Variants in ADGRF5 observed in about 807,000 individuals in gnomAD.
The protein encoded by ADGRF5 is G-protein coupled receptor 116.
A neutral mutation model predicts 132.3 loss-of-function variants in ADGRF5; 75 were observed. The ratio of observed to expected loss-of-function variants is 0.57; its 90% CI spans 0.47 to 0.69. The LOEUF is 0.69. ADGRF5 is among the 30% of genes least tolerant of loss of function. ADGRF5 has a pLI of 0.00. For synonymous variants in ADGRF5, 629 were observed against 597.6 expected (o/e 1.05, Z -0.77); for missense variants, 1,516 against 1,630.6 (o/e 0.93, Z 1.21).
At chr6:46,918,371 A>G (rs772183710) in intron 1 of ADGRF5, among the ~76,000 whole-genome samples, 8 of 152,338 alleles carry the variant, frequency 5.3e-5, no homozygotes, top group South Asian at 4.1e-4. Context: ...CTATATCAAG[A>G]AATGTCAGTG....
In ADGRF5 at chr6:46,858,285, T is replaced by C. The variant is rs148469784; in HGVS notation, c.3618A>G (p.Pro1206=). Residue 1206 remains proline, a synonymous_variant, in exon 17 of 21, where the codon CCA becomes CCG. Transcript: ENST00000283296. ...ACAGGCTGCTCTTCTCCTGCTTGCA[T>C]GGCTTGTCTCCAATGGAAGGCCTCA... is the stretch of plus-strand genomic sequence containing the variant. ...KILRPSIGDK[P]CKQEKSSLFQ... 8.2e-4 allele frequency: 1,329 copies of C among 1,614,066 alleles called. 13 individuals are homozygous for C. The African/African-American group carries it at 0.015, about 19-fold the overall frequency.
At chr6:46,881,714 T>C in intron 7 of ADGRF5, 117 bp from the exon 8 acceptor site, 1 of 800,906 alleles carries the variant, frequency 1.2e-6, no homozygotes, top group South Asian at 1.8e-5. Context: ...AGCATGCAAA[T>C]CTATGGATCT....
At chr6:46,878,831 C>T (rs1187493495) in intron 9 of ADGRF5, among the ~76,000 whole-genome samples, 2 of 152,108 alleles carry the variant, frequency 1.3e-5, no homozygotes, top group African/African-American at 4.8e-5. Flanking sequence ...AAGAAGATGG[C>T]CCCATTGGCA....
At chr6:46,897,694 C>T (rs1482406841) in intron 3 of ADGRF5, among the ~76,000 whole-genome samples, 1 of 152,204 alleles carries the variant, frequency 6.6e-6, no homozygotes, top group African/African-American at 2.4e-5. Flanking sequence ...CCTGCCTCAG[C>T]CTCCTGAGTA....
chr6:46,933,361 C>A (rs1177139127), intron 1 of ADGRF5, among the ~76,000 whole-genome samples: 1 of 152,218 alleles, frequency 6.6e-6, no homozygotes, highest in African/African-American at 2.4e-5. Flanking sequence ...TGTTTTAATA[C>A]TGGAGAAAAG....
intron 1 of ADGRF5, among the ~76,000 whole-genome samples, chr6:46,946,730 T>A (rs1305384589): frequency 6.6e-6 from 1 of 152,110 alleles, no homozygotes; most frequent in Non-Finnish European, 1.5e-5. Context: ...TTGAGGCTGA[T>A]CCTGGCACAG....
intron 1 of ADGRF5, among the ~76,000 whole-genome samples, chr6:46,918,343 G>A (rs999166433): frequency 1.3e-5 from 2 of 152,166 alleles, no homozygotes; most frequent in Admixed American, 6.5e-5. Context: ...TTGCACTGAC[G>A]AGAGATACTA....
chr6:46,896,845 T>C (rs1197678055), intron 3 of ADGRF5, among the ~76,000 whole-genome samples: 3 of 151,116 alleles, frequency 2.0e-5, no homozygotes, highest in African/African-American at 7.4e-5. Context: ...TACAGCCTTT[T>C]TTTCATGTCA....
At chr6:46,865,878 T>C (rs1276478846) in intron 13 of ADGRF5, among the ~76,000 whole-genome samples, 2 of 152,246 alleles carry the variant, frequency 1.3e-5, no homozygotes, top group East Asian at 3.8e-4. Context: ...TTAAAATATG[T>C]GCCCCACTTC....
chr6:46,883,343 G>T lies in ADGRF5; in HGVS notation c.612+216C>A, dbSNP rs536843930. ...ATCTTAACTGAACCAGTTCCACCCT[G>T]AGAAAAATTTATGCTTATAGGTCAA... On this transcript the variant is annotated intron_variant, in intron 6 of 20. Coordinates refer to ENST00000283296, the MANE Select transcript of ADGRF5 (RefSeq NM_001098518.2). Among the ~76,000 whole-genome samples the T allele has an allele frequency of 1.4e-3, 213 of 152,262 alleles. 1 individual carries two copies. The highest frequency in any genetic ancestry group is 0.014 in the Middle Eastern group (4 of 294).
chr6:46,862,703 C>CTTTTTTTTTTTTTTTTTTTTTTTTTT lies in ADGRF5; in HGVS notation c.2199+159_2199+184dup, dbSNP rs67565937. Among the ~76,000 whole-genome samples the CTTTTTTTTTTTTTTTTTTTTTTTTTT allele has an allele frequency of 1.2e-3, 31 of 26,510 alleles. 7 individuals are homozygous for CTTTTTTTTTTTTTTTTTTTTTTTTTT. Among genetic ancestry groups the CTTTTTTTTTTTTTTTTTTTTTTTTTT allele is most frequent in the East Asian group, 3.8e-3 (2 of 522 alleles). 17.4% of individuals were successfully genotyped at this position (26,510 alleles called of 152,430 possible). A position where few individuals can be genotyped will look rare whatever the true frequency, so the allele number is the denominator to read the frequency against. ...AGTTGTCTTAGTATTTGAATTGAGGCTTTTTTTTTTTTTTTTTTTTTTTTT... is the reference window on the plus strand; with the variant it reads ...AGTTGTCTTAGTATTTGAATTGAGGCTTTTTTTTTTTTTTTTTTTTTTTTTTTTTTTTTTTTTTTTTTTTTTTTTTT... On this transcript the variant is annotated intron_variant, in intron 15 of 20. Transcript: ENST00000283296.
rs73468797 is a variant in ADGRF5, at chr6:46,880,708, T to C, written c.815-669A>G. 3.4e-3 allele frequency among the ~76,000 whole-genome samples: 514 copies of C among 152,222 alleles called. 2 individuals are homozygous for C. Among genetic ancestry groups the C allele is most frequent in the African/African-American group, 0.012 (488 of 41,540 alleles). On this transcript the variant is annotated intron_variant, in intron 8 of 20. Transcript: ENST00000283296. ...ACAGGAGCAGCAAGAGAGAGTTACA[T>C]TGGGAGGTGACTTGGAGAAACTGTA...
intron 3 of ADGRF5, 84 bp downstream of exon 3, chr6:46,899,945 G>T: frequency 1.1e-6 from 1 of 934,648 alleles, no homozygotes; most frequent in Non-Finnish European, 1.8e-6. Flanking sequence ...GCTGAATTAT[G>T]TAGACTACAA....
chr6:46,879,564 C>T (rs567327001), intron 9 of ADGRF5, among the ~76,000 whole-genome samples: 6 of 152,202 alleles, frequency 3.9e-5, no homozygotes, highest in Admixed American at 2.6e-4. Context: ...GAGGCCTCCC[C>T]AACCATGCAG....
At position 46,948,707 on chromosome 6, in the gene ADGRF5, G is replaced by T. The variant is rs185907755; in HGVS notation, c.-25+6027C>A. 5.5e-4 allele frequency among the ~76,000 whole-genome samples: 83 copies of T among 152,252 alleles called. No individual in the cohort carries two copies. The East Asian group carries it at 0.015, about 28-fold the overall frequency. ...CCTTGACTACAAAAAGAAAGCTGAC[G>T]CTTTACTTTTGAATTGCCGTCACCG... On this transcript the variant is annotated intron_variant, in intron 1 of 20. Transcript: ENST00000265417.
chr6:46,889,637 A>G, intron 3 of ADGRF5, among the ~76,000 whole-genome samples: 1 of 145,920 alleles, frequency 6.9e-6, no homozygotes, highest in Non-Finnish European at 1.5e-5. Flanking sequence ...GAACAGATCC[A>G]CCTTGACTAT....
At chr6:46,896,318 C>G (rs969730110) in intron 3 of ADGRF5, among the ~76,000 whole-genome samples, 1 of 152,136 alleles carries the variant, frequency 6.6e-6, no homozygotes, top group Admixed American at 6.6e-5. Context: ...ATTGTCCTAA[C>G]AGGCAGCTCC....
chr6:46,879,971 T>C lies in ADGRF5; in HGVS notation c.883A>G (p.Lys295Glu). 6.2e-7 allele frequency: 1 copy of C among 1,614,144 alleles called. No individual in the cohort carries two copies. The highest frequency in any genetic ancestry group is 8.5e-7 in the Non-Finnish European group (1 of 1,179,996). ...GACACATTGGAGGACAAAACTTCCT[T>C]TTCACACACCAGACTGACTGTGTCC... The part of the protein sequence containing the change: ...EGDTVSLVCE[K>E]EVLSSNVSWR... The change falls in exon 9 of 21, where the codon AAG becomes GAG. Residue 295 changes from lysine (K) to glutamate (E), a missense_variant. Coordinates refer to ENST00000283296, the MANE Select transcript of ADGRF5 (RefSeq NM_001098518.2).
rs761261531 is a variant in ADGRF5 at position 46,879,871 on chromosome 6, T to C, written c.983A>G (p.Asn328Ser). ...GGTGAGCTTGGACACCGAAGTCATGTTGTTGAAAAGTGCGGTGTAAATCGA... is the reference window on the plus strand; with the variant it reads ...GGTGAGCTTGGACACCGAAGTCATGCTGTTGAAAAGTGCGGTGTAAATCGA... ...RFSIYTALFN[N>S]MTSVSKLTIH... The change falls in exon 9 of 21, where the codon AAC (asparagine) becomes AGC (serine). Residue 328 changes from asparagine to serine, a missense_variant. Physicochemically the swap from Asn to Ser is conservative, Grantham distance 46 (BLOSUM62 1). Transcript: ENST00000283296. The C allele has an allele frequency of 2.1e-5, 34 of 1,614,144 alleles. 1 individual carries two copies. In the South Asian group the frequency reaches 3.5e-4, roughly 17 times the overall value.
Sources: allele counts gnomAD v4.1 joint callset (sites outside exome capture counted in the v4.1 genomes callset), GRCh38; gene constraint gnomAD v4.1.1; transcripts MANE v1.5; gene names NCBI Gene and HGNC (gene_info 2026-07-23, HGNC 2026-07-21).